WDR13: variants seen among roughly 807,000 people sequenced by gnomAD.
The protein encoded by WDR13 is WD repeat domain 13.
Under a neutral mutation model 28.6 loss-of-function variants are expected in WDR13, and 1 was observed. The ratio of observed to expected loss-of-function variants is 0.03; its 90% CI spans 0.01 to 0.17. The LOEUF is 0.17. Among genes scored for constraint, WDR13 ranks in the 10% least tolerant of loss-of-function variants. WDR13 has a pLI of 1.00. For missense variants in WDR13, 264 were observed against 469.3 expected (o/e 0.56, Z 4.04); for synonymous variants, 201 against 185.9 (o/e 1.08, Z -0.66).
chrX:48,605,041 C>T lies in WDR13; in HGVS notation c.*9C>T, dbSNP rs370493659. ...GGCGGGAGCAGAAGTAGGGTCCTGT[C>T]GGCCCTGCTGCTGTCCTCCATCCCA... On this transcript the variant is annotated 3_prime_UTR_variant, in exon 10 of 10. Transcript: ENST00000376729. 9.2e-6 allele frequency: 11 copies of T among 1,193,900 alleles called. No homozygotes were observed. Among genetic ancestry groups the T allele is most frequent in the South Asian group, 1.8e-5 (1 of 55,729 alleles).
rs1234129800 is a variant in WDR13 at position 48,598,847 on chromosome X, C to T, written c.172C>T (p.Arg58Trp). ...GCTGCGTCGGCAGTACCTGAGGCTTCGGGGGCAGCTGCTGGGCCAGCGCTA... is the reference window on the plus strand; with the variant it reads ...GCTGCGTCGGCAGTACCTGAGGCTTTGGGGGCAGCTGCTGGGCCAGCGCTA... ...PALRRQYLRL[R>W]GQLLGQRYGP... Residue 58 changes from arginine (R) to tryptophan (W), a missense_variant, in exon 3 of 10, where the codon CGG becomes TGG. Around this residue, in one of 4 missense-constraint regions of WDR13, gnomAD observed 74 missense variants for 89.3 expected, o/e 0.83. Transcript: ENST00000376729. 8.3e-7 allele frequency: 1 copy of T among 1,206,582 alleles called. No individual in the cohort carries two copies. The highest frequency in any genetic ancestry group is 1.1e-6 in the Non-Finnish European group (1 of 893,248).
At position 48,600,335 on chromosome X, in the gene WDR13, C is replaced by T; in HGVS notation, c.540C>T (p.Phe180=). The T allele has an allele frequency of 8.3e-7, 1 of 1,198,792 alleles. No homozygotes were observed. The highest frequency in any genetic ancestry group is 1.1e-6 in the Non-Finnish European group (1 of 891,447). The change falls in exon 6 of 10, where the codon TTC becomes TTT. Residue 180 remains phenylalanine, a synonymous_variant. Transcript: ENST00000376729. Reference sequence around the variant, plus strand: ...GCATTGCAGTCCCAAGGGTGCGCTTCGCCAATGATGACCGACACCGCCTGG... The same window carrying T: ...GCATTGCAGTCCCAAGGGTGCGCTTTGCCAATGATGACCGACACCGCCTGG... ...HVDEAVPRVR[F]ANDDRHRLAC... is the part of the protein sequence containing the mutation.
At chrX:48,598,332 CTT>C (rs1169518783) in intron 2 of WDR13, 281 of 816,813 alleles carry the variant, frequency 3.4e-4, no homozygotes, top group East Asian at 1.5e-3. Flanking sequence ...GTCCCCTAGA[CTT>C]TTTTTTTTTT....
At chrX:48,601,401 G>A (rs1299714829) in intron 6 of WDR13, among the ~76,000 whole-genome samples, 1 of 112,259 alleles carries the variant, frequency 8.9e-6, no homozygotes, top group Non-Finnish European at 1.9e-5. Flanking sequence ...CCAAGAGTGA[G>A]CTTGTGGGCC....
Position 48,608,789 on chromosome X carries a change from T to C in WDR13, c.*3757T>C, listed in dbSNP as rs1257124908. On this transcript the variant is annotated 3_prime_UTR_variant, in exon 10 of 10. Coordinates refer to ENST00000376729, the MANE Select transcript of WDR13 (RefSeq NM_001347217.2). ...GATTTGACATTCTACTTTAAACTCA[T>C]CTTGGTGGCACTTTTCTTGACTCAC... 1 of 111,586 alleles carries C rather than the reference T, an allele frequency of 9.0e-6. No homozygotes were observed. Among genetic ancestry groups the C allele is most frequent in the Non-Finnish European group, 1.9e-5 (1 of 53,162 alleles). 9.2% of individuals were successfully genotyped at this position (111,586 alleles called of 1,213,427 possible).
At chrX:48,601,750 AAGC>A in intron 6 of WDR13, 31 bp from the exon 7 acceptor site, 1 of 1,135,265 alleles carries the variant, frequency 8.8e-7, no homozygotes. Flanking sequence ...GCCTGGCTGG[AAGC>A]AGGATGATGG....
At chrX:48,602,905 T>TTCCTCCTGCCACCTCTGGCC (rs1346574096) in intron 8 of WDR13, among the ~76,000 whole-genome samples, 12 of 111,733 alleles carry the variant, frequency 1.1e-4, no homozygotes, top group Admixed American at 2.9e-4. Flanking sequence ...CTCTCCTTTC[T>TTCCTCCTGCCACCTCTGGCC]TCCTCCTGCC....
intron 8 of WDR13, 194 bp from the exon 9 acceptor site, chrX:48,604,078 G>A (rs1316245895): frequency 2.5e-6 from 1 of 401,279 alleles, no homozygotes. Flanking sequence ...GGTTGAGGCT[G>A]CAGTGAGCCG....
Position 48,608,671 on chromosome X carries a change from A to G in WDR13, c.*3639A>G, listed in dbSNP as rs1202405442. ...TTCTTCTTTTGTTTACACTCTTCAC[A>G]TTGTCTATTGAGTCTGGATTCAAGA... On this transcript the variant is annotated 3_prime_UTR_variant, in exon 10 of 10. Coordinates refer to ENST00000376729, the MANE Select transcript of WDR13 (RefSeq NM_001347217.2). The G allele has an allele frequency of 9.0e-6, 1 of 111,386 alleles. No individual in the cohort carries two copies. Among genetic ancestry groups the G allele is most frequent in the African/African-American group, 3.3e-5 (1 of 30,599 alleles). The allele number at this position is 111,386 out of a possible 1,213,427, so 9.2% of individuals were successfully genotyped here. A position where few individuals can be genotyped will look rare whatever the true frequency, so the allele number is the denominator to read the frequency against.
In WDR13 at chrX:48,604,900, C is replaced by G; in HGVS notation, c.1326C>G (p.Ala442=). 1 of 1,211,552 alleles carries G rather than the reference C, an allele frequency of 8.3e-7. No homozygotes were observed. The highest frequency in any genetic ancestry group is 1.1e-6 in the Non-Finnish European group (1 of 895,201). ...ACTTCTTTGATGTGGAGCGGGCGGC[C>G]AAGGCTGCTGTCAACAAGCTGCAGG... The part of the protein sequence containing the change: ...CVHFFDVERA[A]KAAVNKLQGH... The change falls in exon 10 of 10, where the codon GCC becomes GCG. Residue 442 remains alanine (A), a synonymous_variant. Transcript: ENST00000376729.
At chrX:48,598,128 A>C in intron 2 of WDR13, 91 bp downstream of exon 2, 1 of 1,148,733 alleles carries the variant, frequency 8.7e-7, no homozygotes, top group Non-Finnish European at 1.2e-6. Flanking sequence ...AACTTGCCTT[A>C]TGCGGCTGCG....
Position 48,600,623 on chromosome X carries a change from T to G in WDR13, c.828T>G (p.Thr276=). The G allele has an allele frequency of 9.9e-6, 12 of 1,206,672 alleles. No homozygotes were observed. Among genetic ancestry groups the G allele is most frequent in the Non-Finnish European group, 1.3e-5 (12 of 893,126 alleles). ...CTFQPVNNNL[T]VVGNAKHNVH... is the part of the protein sequence containing the mutation. ...TCCAGCCTGTCAACAACAACCTCAC[T>G]GTGGTCAGGCTCCAGGACACCCACT... The change falls in exon 6 of 10, where the codon ACT becomes ACG. Residue 276 remains threonine, a synonymous_variant. Coordinates refer to ENST00000376729, the MANE Select transcript of WDR13 (RefSeq NM_001347217.2).
Position 48,602,080 on chromosome X carries a change from C to T in WDR13, c.1028C>T (p.Ala343Val), listed in dbSNP as rs782309545. ...FDMATGKLTK[A>V]KRLVVHEGSP... ...GCTGCTGCAGGGAAGCTGACCAAAG[C>T]CAAGCGTTTGGTGGTGCATGAGGGG... is the stretch of plus-strand genomic sequence containing the variant. The change falls in exon 8 of 10, where the codon GCC becomes GTC. Residue 343 changes from alanine to valine, a missense_variant. Transcript: ENST00000376729. 8.3e-7 allele frequency: 1 copy of T among 1,211,506 alleles called. No individual in the cohort carries two copies.
chrX:48,606,664 C>G lies in WDR13; in HGVS notation c.*1632C>G, dbSNP rs2062222541. ...AATCACTTATCAGTGGCCTGCGTCACCAGAAAATGTCAAAGTTACCTGAAG... is the reference window on the plus strand; with the variant it reads ...AATCACTTATCAGTGGCCTGCGTCAGCAGAAAATGTCAAAGTTACCTGAAG... On this transcript the variant is annotated 3_prime_UTR_variant, in exon 10 of 10. Transcript: ENST00000376729. 1 of 112,157 alleles carries G rather than the reference C, an allele frequency of 8.9e-6. No homozygotes were observed. The highest frequency in any genetic ancestry group is 3.7e-4 in the South Asian group (1 of 2,737). 9.2% of individuals were successfully genotyped at this position (112,157 alleles called of 1,213,427 possible).
At chrX:48,598,093 T>C in intron 2 of WDR13, 56 bp downstream of exon 2, 4 of 1,154,333 alleles carry the variant, frequency 3.5e-6, no homozygotes, top group Non-Finnish European at 4.6e-6. Context: ...GCATGCGCAA[T>C]GGCGATAAGT....
At chrX:48,600,087 A>T (rs2062173103) in intron 5 of WDR13, 1 of 424,892 alleles carries the variant, frequency 2.4e-6, no homozygotes, top group Non-Finnish European at 4.0e-6. Context: ...GAACTTTTTC[A>T]TGTTGCAGAA....
chrX:48,604,801 G>C (rs782211911), intron 9 of WDR13, 47 bp from the exon 10 acceptor site: 1 of 1,176,902 alleles, frequency 8.5e-7, no homozygotes, highest in Non-Finnish European at 1.1e-6. Context: ...TTCCCACCAG[G>C]GGCACCCCAG....
chrX:48,606,344 G>A lies in WDR13; in HGVS notation c.*1312G>A, dbSNP rs782819850. The A allele has an allele frequency of 8.1e-5, 9 of 110,594 alleles. No individual in the cohort carries two copies. Among genetic ancestry groups the A allele is most frequent in the Non-Finnish European group, 1.3e-4 (7 of 52,843 alleles). 9.1% of individuals were successfully genotyped at this position (110,594 alleles called of 1,213,427 possible). ...GGACTCTGCTGCCTCCTCAGGGGGCGATATTCCCAACCCTTCTGTGCATTG... is the reference window on the plus strand; with the variant it reads ...GGACTCTGCTGCCTCCTCAGGGGGCAATATTCCCAACCCTTCTGTGCATTG... On this transcript the variant is annotated 3_prime_UTR_variant, in exon 10 of 10. Transcript: ENST00000376729.
At chrX:48,603,275 C>T (rs1483976713) in intron 8 of WDR13, among the ~76,000 whole-genome samples, 1 of 112,433 alleles carries the variant, frequency 8.9e-6, no homozygotes, top group Non-Finnish European at 1.9e-5. Context: ...ACCTTGGCCT[C>T]CCAAAGTGCT....
Sources: gnomAD v4.1 joint callset for allele counts (sites outside exome capture counted in the v4.1 genomes callset) on GRCh38, gnomAD v4.1.1 for gene constraint, gnomAD v4.1.1 regional missense constraint, MANE v1.5 for transcripts, NCBI Gene and HGNC (gene_info 2026-07-23, HGNC 2026-07-21) for gene names.